Variants in PCDH15 observed in about 807,000 individuals in gnomAD.
PCDH15 encodes protocadherin-15.
A neutral mutation model predicts 178.5 loss-of-function variants in PCDH15; 129 were observed. The ratio of observed to expected loss-of-function variants is 0.72; its 90% CI spans 0.63 to 0.84. The LOEUF (loss-of-function observed/expected upper bound fraction) is 0.84, where lower values mean the gene tolerates loss of function less well. Among genes scored for constraint, PCDH15 ranks in the 40% least tolerant of loss-of-function variants. The pLI is 0.00. For synonymous variants in PCDH15, 800 were observed against 732.0 expected, an observed-to-expected ratio of 1.09 and a Z score of -1.50; for missense variants, 2,230 against 2,099.9, an observed-to-expected ratio of 1.06 and a Z score of -1.21.
At chr10:54,962,170 C>A (rs1186390073) in intron 2 of PCDH15, among the ~76,000 whole-genome samples, 1 of 152,244 alleles carries the variant, frequency 6.6e-6, no homozygotes, top group Non-Finnish European at 1.5e-5. Context: ...GAGCTGCAGG[C>A]AGTGACATGC....
At chr10:55,029,088 T>A (rs1840547266) in intron 2 of PCDH15, among the ~76,000 whole-genome samples, 1 of 152,008 alleles carries the variant, frequency 6.6e-6, no homozygotes, top group East Asian at 1.9e-4. Context: ...TTGCTGTAAG[T>A]TGCCCTGTAC....
At chr10:55,176,217 G>A (rs1428123406) in intron 1 of PCDH15, among the ~76,000 whole-genome samples, 1 of 152,056 alleles carries the variant, frequency 6.6e-6, no homozygotes, top group African/African-American at 2.4e-5. Flanking sequence ...ACCATGAGGG[G>A]TGTCTCAGGA....
chr10:55,186,639 A>G (rs1356093911), intron 1 of PCDH15, among the ~76,000 whole-genome samples: 2 of 151,752 alleles, frequency 1.3e-5, no homozygotes, highest in African/African-American at 4.8e-5. Context: ...TTTAGAAAAA[A>G]CTTACATTTT....
intron 21 of PCDH15, among the ~76,000 whole-genome samples, chr10:53,990,240 C>T (rs2134773308): frequency 6.6e-6 from 1 of 152,124 alleles, no homozygotes; most frequent in South Asian, 2.1e-4. Context: ...CCTCAGGTAG[C>T]TCTTCTAAGC....
intron 22 of PCDH15, among the ~76,000 whole-genome samples, chr10:53,960,797 T>C (rs2088217912): frequency 6.6e-6 from 1 of 152,218 alleles, no homozygotes. Flanking sequence ...GACATAGTGC[T>C]CACTGATCCT....
intron 2 of PCDH15, among the ~76,000 whole-genome samples, chr10:55,353,006 A>G (rs368211704): frequency 2.6e-5 from 4 of 152,270 alleles, no homozygotes; most frequent in South Asian, 4.1e-4. Context: ...CCAATTCTCC[A>G]TAACAACACC....
At chr10:54,750,383 A>G (rs1201394935) in intron 1 of PCDH15, among the ~76,000 whole-genome samples, 1 of 151,888 alleles carries the variant, frequency 6.6e-6, no homozygotes, top group Non-Finnish European at 1.5e-5. Context: ...CTCTTTAAAA[A>G]CTCTAGTCAA....
At chr10:54,273,462 A>C (rs1168670982) in intron 8 of PCDH15, among the ~76,000 whole-genome samples, 2 of 152,010 alleles carry the variant, frequency 1.3e-5, no homozygotes, top group Non-Finnish European at 2.9e-5. Context: ...AAAAGGAAGG[A>C]GACAGATCAA....
At chr10:55,276,117 A>G (rs1172424329) in intron 1 of PCDH15, among the ~76,000 whole-genome samples, 3 of 150,994 alleles carry the variant, frequency 2.0e-5, no homozygotes, top group Non-Finnish European at 4.4e-5. Context: ...AATTCGTATT[A>G]ATTCCATAAA....
At position 55,278,373 on chromosome 10, in the gene PCDH15, C is replaced by T. The variant is rs149431406; in HGVS notation, c.-156+41226G>A. ...TAATTATTCTATTTTCCTTTTTTGT[C>T]TTTCATATCTGTTTATATTTTCTTT... is the stretch of plus-strand genomic sequence containing the variant. On this transcript the variant is annotated intron_variant, in intron 1 of 5. Transcript: ENST00000458638. 6.1e-3 allele frequency among the ~76,000 whole-genome samples: 924 copies of T among 150,880 alleles called. 15 individuals are homozygous for T. Among genetic ancestry groups the T allele is most frequent in the African/African-American group, 0.021 (878 of 41,180 alleles).
intron 9 of PCDH15, among the ~76,000 whole-genome samples, chr10:54,220,779 C>A (rs558411797): frequency 6.6e-6 from 1 of 151,486 alleles, no homozygotes; most frequent in Non-Finnish European, 1.5e-5. Flanking sequence ...GAGCCGAGAT[C>A]GCGCCACTGC....
intron 2 of PCDH15, chr10:54,641,206 ACAT>A (rs2093979724): frequency 6.3e-6 from 1 of 159,374 alleles, no homozygotes; most frequent in African/African-American, 2.4e-5. Flanking sequence ...TTTTCTAAGA[ACAT>A]CATCATAAAA....
chr10:55,146,649 G>T (rs975485020), intron 2 of PCDH15, among the ~76,000 whole-genome samples: 8 of 151,816 alleles, frequency 5.3e-5, no homozygotes, highest in Admixed American at 3.3e-4. Flanking sequence ...AGCACCAAAA[G>T]ATTACATAAT....
chr10:54,897,483 A>C (rs1232147887), exon 3 of PCDH15: 1 of 152,230 alleles, frequency 6.6e-6, no homozygotes, highest in African/African-American at 2.4e-5. Flanking sequence ...GTATTTCGAA[A>C]CATGACAATG....
chr10:53,845,424 G>T (rs766639998), intron 28 of PCDH15, among the ~76,000 whole-genome samples: 2 of 151,774 alleles, frequency 1.3e-5, no homozygotes, highest in African/African-American at 4.8e-5. Context: ...TTATCTGCAT[G>T]CCTATGTTTA....
intron 2 of PCDH15, among the ~76,000 whole-genome samples, chr10:54,972,302 G>C (rs1838953808): frequency 6.6e-6 from 1 of 151,960 alleles, no homozygotes; most frequent in African/African-American, 2.4e-5. Flanking sequence ...CACTTTGGGA[G>C]GCCGAGGTGG....
At chr10:54,128,501 G>A (rs2132992546) in intron 15 of PCDH15, among the ~76,000 whole-genome samples, 1 of 152,248 alleles carries the variant, frequency 6.6e-6, no homozygotes, top group African/African-American at 2.4e-5. Flanking sequence ...TATTTGATTA[G>A]AGTATTGAAT....
At chr10:55,462,927 C>T (rs1406680244) in intron 2 of PCDH15, among the ~76,000 whole-genome samples, 1 of 152,044 alleles carries the variant, frequency 6.6e-6, no homozygotes, top group African/African-American at 2.4e-5. Flanking sequence ...TTTGAAGTGG[C>T]TCTGCCTTTA....
chr10:54,660,986 C>A (rs575440892), intron 2 of PCDH15, among the ~76,000 whole-genome samples: 11 of 151,950 alleles, frequency 7.2e-5, no homozygotes, highest in Non-Finnish European at 1.6e-4. Flanking sequence ...CCGTCTATGA[C>A]AAACCCACAA....
Sources: allele counts gnomAD v4.1 joint callset (sites outside exome capture counted in the v4.1 genomes callset), GRCh38; gene constraint gnomAD v4.1.1; transcripts MANE v1.5; gene names NCBI Gene and HGNC (gene_info 2026-07-23, HGNC 2026-07-21).